Variants in RUSF1 observed in about 807,000 individuals in gnomAD.
RUSF1 encodes the protein RUS1 family protein C16orf58.
RUSF1 carries 58 observed loss-of-function variants against 63.0 expected under a neutral mutation model. The observed-to-expected ratio is 0.92, with a 90% confidence interval of 0.75 to 1.15. The LOEUF (loss-of-function observed/expected upper bound fraction) is 1.15. RUSF1 is among the 50% of genes most tolerant of loss of function. The pLI is 0.00. For missense variants in RUSF1, 652 were observed against 611.0 expected, an observed-to-expected ratio of 1.07 and a Z score of -0.71; for synonymous variants, 274 against 255.8, an observed-to-expected ratio of 1.07 and a Z score of -0.68.
rs1009210290 is a variant in RUSF1 at position 31,492,425 on chromosome 16, G to C, written c.1088-85C>G. On this transcript the variant is annotated intron_variant, in intron 10 of 12. Transcript: ENST00000327237. ...TCCCATCACCCTGCTTCCCCTGTCT[G>C]CCCCAAGACCTTGGCCTGGCACGGA... The C allele has an allele frequency of 2.8e-6, 4 of 1,435,082 alleles. No individual in the cohort carries two copies. In the African/African-American group the frequency reaches 5.7e-5, roughly 20 times the overall value. 88.9% of individuals were successfully genotyped at this position (1,435,082 alleles called of 1,614,324 possible). A position where few individuals can be genotyped will look rare whatever the true frequency, so the allele number is the denominator to read the frequency against.
At chr16:31,494,222 A>G (rs2082590415) in intron 6 of RUSF1, among the ~76,000 whole-genome samples, 1 of 152,008 alleles carries the variant, frequency 6.6e-6, no homozygotes, top group Non-Finnish European at 1.5e-5. Flanking sequence ...CTATTTCTAC[A>G]AAAAAATTAA....
intron 12 of RUSF1, 38 bp from the exon 13 acceptor site, chr16:31,490,970 G>C: frequency 6.2e-7 from 1 of 1,602,574 alleles, no homozygotes; most frequent in Non-Finnish European, 8.5e-7. Flanking sequence ...GGAATGCTGG[G>C]GACAAGGGTA....
intron 6 of RUSF1, 142 bp from the exon 7 acceptor site, chr16:31,494,078 G>T (rs1045594946): frequency 6.5e-6 from 6 of 918,956 alleles, no homozygotes; most frequent in Non-Finnish European, 1.0e-5. Context: ...TTAGTTTTTG[G>T]TGGGTGAAAT....
intron 1 of RUSF1, 75 bp from the exon 2 acceptor site, chr16:31,507,953 T>C: frequency 6.5e-7 from 1 of 1,533,386 alleles, no homozygotes. Flanking sequence ...CTGTTCTTGT[T>C]CTTGGTGTAT....
rs916401541 is a variant in RUSF1 at position 31,489,733 on chromosome 16, G to T, written c.*1102C>A. On this transcript the variant is annotated 3_prime_UTR_variant, in exon 13 of 13. Transcript: ENST00000327237. The stretch of plus-strand genomic sequence containing the variant: ...GGGTGAGGACAGGACAAGAGATCTG[G>T]GTGTGGAAGGATGGCCGGGTTTCTG... 1.1e-5 allele frequency: 5 copies of T among 445,398 alleles called. No individual in the cohort carries two copies. The Admixed American group carries it at 1.4e-4, about 12-fold the overall frequency. The allele number at this position is 445,398 out of a possible 1,614,324, so 27.6% of individuals were successfully genotyped here.
Position 31,499,334 on chromosome 16 carries a change from T to C in RUSF1, c.568A>G (p.Thr190Ala), listed in dbSNP as rs577520003. Reference sequence around the variant, plus strand: ...AGGTTGCTGGTGGAGACGGTCATGGTGAAACAGATTGGGTATACAGGAGCC... The same window carrying C: ...AGGTTGCTGGTGGAGACGGTCATGGCGAAACAGATTGGGTATACAGGAGCC... ...IMAPVYPICF[T>A]MTVSTSNLAK... Residue 190 changes from threonine (T) to alanine (A), a missense_variant, in exon 5 of 13, where the codon ACC becomes GCC. Transcript: ENST00000327237. 6.2e-7 allele frequency: 1 copy of C among 1,613,842 alleles called. No homozygotes were observed. Among genetic ancestry groups the C allele is most frequent in the East Asian group, 2.2e-5 (1 of 44,868 alleles).
At chr16:31,506,727 G>A (rs1307056950) in intron 2 of RUSF1, among the ~76,000 whole-genome samples, 1 of 152,184 alleles carries the variant, frequency 6.6e-6, no homozygotes, top group Non-Finnish European at 1.5e-5. Flanking sequence ...AGGCTGCAGT[G>A]AGCTGAGATT....
intron 3 of RUSF1, among the ~76,000 whole-genome samples, 153 bp downstream of exon 3, chr16:31,500,533 G>A (rs1488576345): frequency 6.6e-6 from 1 of 152,202 alleles, no homozygotes; most frequent in Non-Finnish European, 1.5e-5. Flanking sequence ...AGTGTTTACT[G>A]AGCCATTATG....
chr16:31,498,459 A>G (rs2082615539), intron 5 of RUSF1, among the ~76,000 whole-genome samples: 1 of 152,148 alleles, frequency 6.6e-6, no homozygotes, highest in African/African-American at 2.4e-5. Context: ...GTACTTATGG[A>G]GAAACACGGC....
Position 31,508,195 on chromosome 16 carries a change from A to C in RUSF1, c.179T>G (p.Val60Gly), listed in dbSNP as rs758695588. Residue 60 changes from valine (V) to glycine (G), a missense_variant, in exon 1 of 13, where the codon GTG becomes GGG. Val to Gly is a moderately radical substitution (Grantham distance 109). Coordinates refer to ENST00000327237, the MANE Select transcript of RUSF1 (RefSeq NM_022744.4). Reference sequence around the variant, plus strand: ...CGGTGAGGGGGCCCCGGAAGCCCCCACTTCGCCCGCATCTCGTCCTTCAGG... The same window carrying C: ...CGGTGAGGGGGCCCCGGAAGCCCCCCCTTCGCCCGCATCTCGTCCTTCAGG... ...VKPEGRDAGE[V>G]GASGAPSPPL... 6.4e-6 allele frequency: 10 copies of C among 1,566,456 alleles called. No individual in the cohort carries two copies. The highest frequency in any genetic ancestry group is 2.7e-5 in the African/African-American group (2 of 73,476).
In RUSF1 at chr16:31,493,695, T is replaced by C; in HGVS notation, c.866A>G (p.Glu289Gly). 2 of 1,614,230 alleles carry C rather than the reference T, an allele frequency of 1.2e-6. No individual in the cohort carries two copies. The highest frequency in any genetic ancestry group is 1.1e-5 in the South Asian group (1 of 91,092). The change falls in exon 8 of 13, where the codon GAA becomes GGA. Residue 289 changes from glutamate to glycine, a missense_variant. By Grantham distance (98) the Glu-to-Gly change is moderately conservative. Coordinates refer to ENST00000327237, the MANE Select transcript of RUSF1 (RefSeq NM_022744.4). Reference sequence around the variant, plus strand: ...CTTCAGGACCAGCCGGAGCCGGCCTTCGTTCAAGGTCTCCATGACCAGGGC... The same window carrying C: ...CTTCAGGACCAGCCGGAGCCGGCCTCCGTTCAAGGTCTCCATGACCAGGGC... ...VRALVMETLN[E>G]GRLRLVLKHY... is the part of the protein sequence containing the mutation.
At chr16:31,496,622 C>G (rs1339532872) in intron 6 of RUSF1, among the ~76,000 whole-genome samples, 1 of 152,176 alleles carries the variant, frequency 6.6e-6, no homozygotes, top group Admixed American at 6.5e-5. Context: ...CTGAAGAGGG[C>G]AAGGCTGAGG....
At chr16:31,492,408 C>G in intron 10 of RUSF1, 68 bp from the exon 11 acceptor site, 1 of 1,464,544 alleles carries the variant, frequency 6.8e-7, no homozygotes, top group Non-Finnish European at 9.0e-7. Flanking sequence ...TATCCCATCA[C>G]CCTGCTTCCC....
chr16:31,494,255 T>C (rs1201021892), intron 6 of RUSF1, among the ~76,000 whole-genome samples: 3 of 152,108 alleles, frequency 2.0e-5, no homozygotes, highest in Non-Finnish European at 4.4e-5. Context: ...GCATAGTGGC[T>C]CGCGCCTGTA....
At chr16:31,503,131 T>TC (rs765004116) in intron 2 of RUSF1, among the ~76,000 whole-genome samples, 8 of 152,244 alleles carry the variant, frequency 5.3e-5, no homozygotes, top group Non-Finnish European at 1.2e-4. Flanking sequence ...TGCTTTTTTT[T>TC]CCTCTTCATT....
chr16:31,494,319 A>G (rs1412457841), intron 6 of RUSF1, among the ~76,000 whole-genome samples: 1 of 152,084 alleles, frequency 6.6e-6, no homozygotes, highest in Non-Finnish European at 1.5e-5. Flanking sequence ...TCAGGAGTTC[A>G]AGACCAGCTT....
chr16:31,499,257 C>T lies in RUSF1; in HGVS notation c.600+45G>A, dbSNP rs1246818905. On this transcript the variant is annotated intron_variant, in intron 5 of 12. Transcript: ENST00000327237. ...GAGCCCAGGTAAACTCACACACTACCAAGGCAGGTGTTTTAGGCAGATGGG... is the reference window on the plus strand; with the variant it reads ...GAGCCCAGGTAAACTCACACACTACTAAGGCAGGTGTTTTAGGCAGATGGG... 3 of 1,525,834 alleles carry T rather than the reference C, an allele frequency of 2.0e-6. No homozygotes were observed. In the African/African-American group the frequency reaches 4.1e-5, roughly 21 times the overall value. The allele number at this position is 1,525,834 out of a possible 1,614,324, so 94.5% of individuals were successfully genotyped here. A position where few individuals can be genotyped will look rare whatever the true frequency, so the allele number is the denominator to read the frequency against.
intron 2 of RUSF1, among the ~76,000 whole-genome samples, chr16:31,506,791 GA>G (rs947719303): frequency 5.6e-4 from 82 of 146,432 alleles, no homozygotes; most frequent in African/African-American, 1.2e-3. Context: ...TACGAGTCTG[GA>G]AAAAAAAAAA....
chr16:31,490,756 GCCTTTC>G lies in RUSF1; in HGVS notation c.*73_*78del. 6.7e-7 allele frequency: 1 copy of G among 1,503,314 alleles called. No homozygotes were observed. The highest frequency in any genetic ancestry group is 9.2e-7 in the Non-Finnish European group (1 of 1,082,900). 93.1% of individuals were successfully genotyped at this position (1,503,314 alleles called of 1,614,324 possible). ...AGTTGCCCTAAGGAAAAATAAAGCT[GCCTTTC>G]CCCTGTCCTGCTGTGGCCAAAGTGT... On this transcript the variant is annotated 3_prime_UTR_variant, in exon 13 of 13. Coordinates refer to ENST00000327237, the MANE Select transcript of RUSF1 (RefSeq NM_022744.4).
Sources: allele counts gnomAD v4.1 joint callset (sites outside exome capture counted in the v4.1 genomes callset), GRCh38; gene constraint gnomAD v4.1.1; transcripts MANE v1.5; gene names NCBI Gene and HGNC (gene_info 2026-07-23, HGNC 2026-07-21).